The following NELL1 variants were observed in gnomAD, a reference collection of about 807,000 sequenced individuals.
NELL1 encodes neural EGFL like 1, also known as protein kinase C-binding protein NELL1.
In NELL1, 76 loss-of-function variants were observed where a neutral mutation model predicts 107.4. That is an observed-to-expected ratio of 0.71 (90% CI 0.59 to 0.86). The LOEUF (loss-of-function observed/expected upper bound fraction) is 0.86. NELL1 is among the 40% of genes least tolerant of loss of function. The pLI, the probability that NELL1 is intolerant of heterozygous loss-of-function variation, is 0.00. For missense variants in NELL1, 1,024 were observed against 1,005.5 expected, an observed-to-expected ratio of 1.02 and a Z score of -0.25; for synonymous variants, 353 against 341.2, an observed-to-expected ratio of 1.03 and a Z score of -0.38.
At chr11:21,558,929 T>A (rs956704167) in intron 16 of NELL1, among the ~76,000 whole-genome samples, 1 of 152,056 alleles carries the variant, frequency 6.6e-6, no homozygotes, top group Non-Finnish European at 1.5e-5. Context: ...GAGAATGGGA[T>A]GGGCATGACT....
At chr11:21,276,871 T>C (rs1848876626) in intron 14 of NELL1, among the ~76,000 whole-genome samples, 2 of 152,128 alleles carry the variant, frequency 1.3e-5, no homozygotes, top group African/African-American at 4.8e-5. Flanking sequence ...CTGGATCCCT[T>C]CCTTACATCT....
chr11:20,915,889 C>G (rs933046443), intron 5 of NELL1, among the ~76,000 whole-genome samples: 1 of 150,834 alleles, frequency 6.6e-6, no homozygotes, highest in Non-Finnish European at 1.5e-5. Flanking sequence ...TAATGCCAGA[C>G]CTTCTGATTC....
chr11:21,397,682 G>A (rs1590898427), intron 15 of NELL1, among the ~76,000 whole-genome samples: 3 of 151,648 alleles, frequency 2.0e-5, no homozygotes, highest in South Asian at 4.1e-4. Context: ...ACCTTGATAT[G>A]GTTTGAATGT....
intron 13 of NELL1, among the ~76,000 whole-genome samples, chr11:21,153,125 T>C (rs777985438): frequency 1.3e-5 from 2 of 152,232 alleles, no homozygotes; most frequent in Non-Finnish European, 2.9e-5. Context: ...TGGATTTTAG[T>C]CTAGGCATTT....
At chr11:20,750,342 G>A (rs987582065) in intron 2 of NELL1, among the ~76,000 whole-genome samples, 2 of 151,876 alleles carry the variant, frequency 1.3e-5, no homozygotes, top group African/African-American at 4.8e-5. Context: ...TAGATGCATT[G>A]CAGGTACTTT....
At chr11:20,795,486 C>A (rs1857152160) in intron 3 of NELL1, among the ~76,000 whole-genome samples, 1 of 152,104 alleles carries the variant, frequency 6.6e-6, no homozygotes, top group Non-Finnish European at 1.5e-5. Flanking sequence ...AATGACATTG[C>A]AGATTTAATG....
chr11:20,859,293 C>G (rs1848935910), intron 4 of NELL1, among the ~76,000 whole-genome samples: 1 of 152,146 alleles, frequency 6.6e-6, no homozygotes, highest in Non-Finnish European at 1.5e-5. Flanking sequence ...TATAGCTGAT[C>G]AGTTGGTCTT....
chr11:20,721,313 A>T, intron 2 of NELL1, among the ~76,000 whole-genome samples: 1 of 151,178 alleles, frequency 6.6e-6, no homozygotes, highest in East Asian at 1.9e-4. Flanking sequence ...TTTTGTATCA[A>T]CAGGAAGACT....
rs564499424 is a variant in NELL1, at chr11:21,140,209, T to C, written c.1426+26495T>C. On this transcript the variant is annotated intron_variant, in intron 13 of 19. Transcript: ENST00000357134. ...TCTCAAAGCACCTGGGCTATGTGTGTGGGCACCCTAATGAAAATCAGGATA... is the reference window on the plus strand; with the variant it reads ...TCTCAAAGCACCTGGGCTATGTGTGCGGGCACCCTAATGAAAATCAGGATA... Among the ~76,000 whole-genome samples, 21 of 152,256 alleles carry C rather than the reference T, an allele frequency of 1.4e-4. 1 individual carries two copies. In the South Asian group the frequency reaches 3.5e-3, roughly 26 times the overall value.
intron 15 of NELL1, among the ~76,000 whole-genome samples, chr11:21,490,955 A>G (rs550882313): frequency 4.6e-4 from 70 of 152,244 alleles, no homozygotes; most frequent in Admixed American, 7.9e-4. Flanking sequence ...AAATGGGACT[A>G]TGTTAAACTG....
Position 21,159,379 on chromosome 11 carries a change from T to A in NELL1, c.1426+45665T>A, listed in dbSNP as rs556363449. 4.6e-5 allele frequency among the ~76,000 whole-genome samples: 7 copies of A among 152,288 alleles called. No individual in the cohort carries two copies. The South Asian group carries it at 1.2e-3, about 27-fold the overall frequency. The stretch of plus-strand genomic sequence containing the variant: ...GTATTGGAGGATATTGATATAGGTA[T>A]GATAGGAGGTATGCAACAAGGAAAT... On this transcript the variant is annotated intron_variant, in intron 13 of 19. Coordinates refer to ENST00000357134, the MANE Select transcript of NELL1 (RefSeq NM_006157.5).
At chr11:21,255,405 A>G (rs530422044) in intron 14 of NELL1, among the ~76,000 whole-genome samples, 1 of 152,234 alleles carries the variant, frequency 6.6e-6, no homozygotes, top group East Asian at 1.9e-4. Flanking sequence ...TGCTTGAATC[A>G]TCTACTACAG....
At chr11:21,199,315 G>T (rs553254223) in intron 13 of NELL1, among the ~76,000 whole-genome samples, 2 of 152,110 alleles carry the variant, frequency 1.3e-5, no homozygotes, top group African/African-American at 4.8e-5. Context: ...AACAACTTTT[G>T]GGTAGTCAAC....
At chr11:20,932,219 C>T (rs1255406897) in intron 9 of NELL1, among the ~76,000 whole-genome samples, 1 of 151,962 alleles carries the variant, frequency 6.6e-6, no homozygotes, top group Non-Finnish European at 1.5e-5. Context: ...CCACCTAGAC[C>T]TACATAATCA....
chr11:21,501,735 G>A (rs1389709061), intron 15 of NELL1, among the ~76,000 whole-genome samples: 2 of 152,104 alleles, frequency 1.3e-5, no homozygotes. Flanking sequence ...CTTCTATATG[G>A]GCTTCATTCA....
chr11:21,178,646 C>T (rs1856760035), intron 13 of NELL1, among the ~76,000 whole-genome samples: 1 of 151,134 alleles, frequency 6.6e-6, no homozygotes, highest in Non-Finnish European at 1.5e-5. Context: ...TGCCTGGAGC[C>T]CCAGCTACTC....
At chr11:21,508,784 C>A (rs1374939661) in intron 15 of NELL1, among the ~76,000 whole-genome samples, 1 of 139,004 alleles carries the variant, frequency 7.2e-6, no homozygotes, top group Non-Finnish European at 1.5e-5. Flanking sequence ...CCAAAAAAAT[C>A]AACTATGTTA....
At chr11:21,199,862 G>T (rs1590726848) in intron 13 of NELL1, among the ~76,000 whole-genome samples, 1 of 134,802 alleles carries the variant, frequency 7.4e-6, no homozygotes, top group East Asian at 2.3e-4. Flanking sequence ...TGTTCTCATT[G>T]TTCAACTCCC....
At chr11:21,004,834 T>A (rs1184002487) in intron 12 of NELL1, among the ~76,000 whole-genome samples, 2 of 152,108 alleles carry the variant, frequency 1.3e-5, no homozygotes, top group Non-Finnish European at 2.9e-5. Flanking sequence ...CATATATTAT[T>A]AAAAATAATT....
Sources: gnomAD v4.1 joint callset for allele counts (sites outside exome capture counted in the v4.1 genomes callset) on GRCh38, gnomAD v4.1.1 for gene constraint, MANE v1.5 for transcripts, NCBI Gene and HGNC (gene_info 2026-07-23, HGNC 2026-07-21) for gene names.